The following NBEA variants were observed in gnomAD, a reference collection of about 807,000 sequenced individuals.
NBEA encodes lysosomal-trafficking regulator 2.
In NBEA, 44 loss-of-function variants were observed where a neutral mutation model predicts 343.4. That is an observed-to-expected ratio of 0.13 (90% confidence interval 0.10 to 0.16). NBEA has a LOEUF of 0.16. NBEA is among the 10% of genes least tolerant of loss of function. NBEA has a pLI of 1.00. For synonymous variants in NBEA, 1,175 were observed against 1,238.7 expected (o/e 0.95, Z 1.08); for missense variants, 2,555 against 3,631.3 (o/e 0.70, Z 7.62).
At chr13:35,333,596 A>G (rs1398143478) in intron 36 of NBEA, among the ~76,000 whole-genome samples, 1 of 152,068 alleles carries the variant, frequency 6.6e-6, no homozygotes, top group Admixed American at 6.6e-5. Flanking sequence ...ATTATTGATT[A>G]TAGTCACCCT....
intron 33 of NBEA, among the ~76,000 whole-genome samples, chr13:35,230,023 T>C (rs992289256): frequency 1.3e-5 from 2 of 152,144 alleles, no homozygotes; most frequent in African/African-American, 4.8e-5. Context: ...TAAAATATTA[T>C]ATTCTTTGCC....
At chr13:35,573,755 A>G (rs79269554) in intron 45 of NBEA, among the ~76,000 whole-genome samples, 6,879 of 152,296 alleles carry the variant, frequency 0.045, 160 homozygotes, top group East Asian at 0.069. Context: ...AACACTGTTT[A>G]GTGTATGCTC....
chr13:35,125,591 C>T (rs1362273619), intron 17 of NBEA, among the ~76,000 whole-genome samples: 2 of 152,110 alleles, frequency 1.3e-5, no homozygotes, highest in African/African-American at 2.4e-5. Context: ...CAAAAGGTTA[C>T]CCTTGTCCCT....
At chr13:35,357,335 G>C (rs1177456794) in intron 38 of NBEA, among the ~76,000 whole-genome samples, 1 of 151,338 alleles carries the variant, frequency 6.6e-6, no homozygotes, top group African/African-American at 2.4e-5. Flanking sequence ...AGTGATACAT[G>C]TGCAGGTTTG....
chr13:35,111,197 T>G (rs1401725693), intron 13 of NBEA, among the ~76,000 whole-genome samples: 1 of 152,194 alleles, frequency 6.6e-6, no homozygotes, highest in Non-Finnish European at 1.5e-5. Flanking sequence ...AACAATAGTC[T>G]TTATTTTAGC....
intron 38 of NBEA, among the ~76,000 whole-genome samples, chr13:35,412,200 T>G (rs2043628133): frequency 6.6e-6 from 1 of 152,172 alleles, no homozygotes; most frequent in Non-Finnish European, 1.5e-5. Flanking sequence ...TAAGAGATTT[T>G]GTGTGTGTGC....
chr13:35,324,660 C>T (rs1367248195), intron 36 of NBEA, among the ~76,000 whole-genome samples: 2 of 152,058 alleles, frequency 1.3e-5, no homozygotes, highest in Admixed American at 6.5e-5. Context: ...TCCTCATCTA[C>T]GAGTAACTCA....
Position 35,593,038 on chromosome 13 carries a change from A to G in NBEA, c.7177-290A>G, listed in dbSNP as rs969737027. 1.7e-5 allele frequency: 5 copies of G among 288,042 alleles called. No homozygotes were observed. In the South Asian group the frequency reaches 2.0e-4, roughly 12 times the overall value. The allele number at this position is 288,042 out of a possible 1,614,324, so 17.8% of individuals were successfully genotyped here. A position where few individuals can be genotyped will look rare whatever the true frequency, so the allele number is the denominator to read the frequency against. On this transcript the variant is annotated intron_variant, in intron 46 of 58. Transcript: ENST00000379939. ...AGAAAAATCCAACTTATGAATTGTC[A>G]TTAATGCAAAATTATTTATCAGAAA...
intron 30 of NBEA, among the ~76,000 whole-genome samples, chr13:35,194,576 C>T (rs1201418398): frequency 1.3e-5 from 2 of 152,068 alleles, no homozygotes; most frequent in African/African-American, 4.8e-5. Flanking sequence ...CTAACATTTA[C>T]TGAGCTTCTA....
intron 30 of NBEA, among the ~76,000 whole-genome samples, chr13:35,194,994 A>G (rs542351897): frequency 4.3e-4 from 66 of 152,212 alleles, no homozygotes; most frequent in Non-Finnish European, 7.8e-4. Flanking sequence ...TTATTAATGT[A>G]TTTATTCTTT....
chr13:35,232,343 C>T, intron 33 of NBEA, 149 bp from the exon 34 acceptor site: 1 of 563,034 alleles, frequency 1.8e-6, no homozygotes, highest in Non-Finnish European at 3.1e-6. Flanking sequence ...TGAAACTGTA[C>T]AGGGTATCCC....
chr13:35,220,606 G>A (rs1395317214), intron 33 of NBEA, among the ~76,000 whole-genome samples: 1 of 151,888 alleles, frequency 6.6e-6, no homozygotes, highest in Non-Finnish European at 1.5e-5. Flanking sequence ...TATTGTTTCT[G>A]TTCTCCACTC....
At chr13:35,188,198 T>G (rs1008627846) in intron 30 of NBEA, among the ~76,000 whole-genome samples, 1 of 152,126 alleles carries the variant, frequency 6.6e-6, no homozygotes, top group Non-Finnish European at 1.5e-5. Context: ...TTTGTATGCA[T>G]TAGGGAATGA....
At chr13:35,308,556 A>ATGTATATATG (rs2037124582) in intron 35 of NBEA, among the ~76,000 whole-genome samples, 1 of 113,396 alleles carries the variant, frequency 8.8e-6, no homozygotes, top group South Asian at 2.6e-4. Context: ...ATATGTATAT[A>ATGTATATATG]TGTATATATG....
In NBEA at chr13:35,155,800, G is replaced by A; in HGVS notation, c.2472G>A (p.Gln824=). Residue 824 remains glutamine (Q), a synonymous_variant, in exon 19 of 59, where the codon CAG becomes CAA. Coordinates refer to ENST00000379939, the MANE Select transcript of NBEA (RefSeq NM_001385012.1). ...YEILTEQVCT[Q]VVHKPHPEPD... is the part of the protein sequence containing the mutation. ...TCTTGACAGAACAAGTATGTACTCAGGTCGTACACAAACCACATCCAGAGC... is the reference window on the plus strand; with the variant it reads ...TCTTGACAGAACAAGTATGTACTCAAGTCGTACACAAACCACATCCAGAGC... 1 of 1,611,000 alleles carries A rather than the reference G, an allele frequency of 6.2e-7. No homozygotes were observed. The highest frequency in any genetic ancestry group is 8.5e-7 in the Non-Finnish European group (1 of 1,177,346).
At chr13:35,333,735 G>A (rs1185104842) in intron 36 of NBEA, among the ~76,000 whole-genome samples, 4 of 151,716 alleles carry the variant, frequency 2.6e-5, no homozygotes, top group Admixed American at 2.6e-4. Flanking sequence ...TCTACTCTCT[G>A]TCTCTATGAG....
chr13:35,635,105 T>G (rs1320694293), intron 49 of NBEA, among the ~76,000 whole-genome samples: 1 of 152,156 alleles, frequency 6.6e-6, no homozygotes, highest in Admixed American at 6.5e-5. Context: ...ATGATGTAAA[T>G]GAAGGGTAAT....
chr13:35,499,176 A>G (rs1482444069), intron 41 of NBEA, among the ~76,000 whole-genome samples: 1 of 152,072 alleles, frequency 6.6e-6, no homozygotes, highest in Non-Finnish European at 1.5e-5. Flanking sequence ...TTGAAATTCA[A>G]ATTGTTTTAT....
At chr13:35,079,806 A>G (rs1003450033) in intron 10 of NBEA, among the ~76,000 whole-genome samples, 3 of 152,156 alleles carry the variant, frequency 2.0e-5, no homozygotes, top group Non-Finnish European at 2.9e-5. Flanking sequence ...ACTCACTACT[A>G]AGCTATTCCA....
Sources: gnomAD v4.1 joint callset for allele counts (sites outside exome capture counted in the v4.1 genomes callset) on GRCh38, gnomAD v4.1.1 for gene constraint, MANE v1.5 for transcripts, NCBI Gene and HGNC (gene_info 2026-07-23, HGNC 2026-07-21) for gene names.